EPPK1: variants seen among roughly 807,000 people sequenced by gnomAD.
EPPK1 encodes epiplakin.
For synonymous variants in EPPK1, 1,862 were observed against 1,721.2 expected, an observed-to-expected ratio of 1.08 and a Z score of -2.03; for missense variants, 3,823 against 3,673.3, an observed-to-expected ratio of 1.04 and a Z score of -1.05.
In EPPK1 at chr8:143,867,214, C is replaced by A. The variant is rs375002026; in HGVS notation, c.6040G>T (p.Gly2014Trp). The A allele has an allele frequency of 2.5e-6, 4 of 1,612,788 alleles. No individual in the cohort carries two copies. Among genetic ancestry groups the A allele is most frequent in the Non-Finnish European group, 3.4e-6 (4 of 1,179,834 alleles). The change falls in exon 2 of 2, where the codon GGG becomes TGG. Residue 2014 changes from glycine (G) to tryptophan (W), a missense_variant. Coordinates refer to ENST00000615648, the MANE Select transcript of EPPK1 (RefSeq NM_031308.4). ...LRLLEVQVAT[G>W]GVIDPQHHHR... ...TGGTGCTGTGGGTCGATGACACCCC[C>A]CGTGGCCACCTGCACCTCCAGCAGC...
In EPPK1 at chr8:143,870,494, G is replaced by T. The variant is rs558832291; in HGVS notation, c.2760C>A (p.Asp920Glu). 148 of 1,606,278 alleles carry T rather than the reference G, an allele frequency of 9.2e-5. 1 individual carries two copies. In the South Asian group the frequency reaches 1.6e-3, roughly 17 times the overall value. Residue 920 changes from aspartate to glutamate, a missense_variant, in exon 2 of 2, where the codon GAC becomes GAA. By Grantham distance (45) the Asp-to-Glu change is conservative. Coordinates refer to ENST00000615648, the MANE Select transcript of EPPK1 (RefSeq NM_031308.4). This position sits in a 1 kb window ranked among gnomAD's most constrained non-coding sequence, Gnocchi z 5.2. ...GGCCGCACAGGTACCTGCGGACGCC[G>T]TCCATGAGTAGGAGGGCCTCCGGGC... ...TISPEALLLM[D>E]GVRRYLCGLG... is the part of the protein sequence containing the mutation.
At position 143,866,625 on chromosome 8, in the gene EPPK1, A is replaced by T. The variant is rs1195879401; in HGVS notation, c.6629T>A (p.Leu2210His). 1 of 1,612,776 alleles carries T rather than the reference A, an allele frequency of 6.2e-7. No homozygotes were observed. Among genetic ancestry groups the T allele is most frequent in the African/African-American group, 1.3e-5 (1 of 74,912 alleles). The change falls in exon 2 of 2, where the codon CTC becomes CAC. Residue 2210 changes from leucine to histidine, a missense_variant. Leu to His is a moderately conservative substitution (Grantham distance 99). Transcript: ENST00000615648. The part of the protein sequence containing the change: ...LETGRSTTQE[L>H]MEDDRVKRYL... ...GCGCTTGACGCGGTCGTCCTCCATG[A>T]GCTCTTGCGTCGTGCTCCGTCCCGT...
At chr8:143,878,155 C>T (rs1174487155) in intron 1 of EPPK1, among the ~76,000 whole-genome samples, 2 of 152,024 alleles carry the variant, frequency 1.3e-5, no homozygotes, top group East Asian at 1.9e-4. Flanking sequence ...GGCTCGGGGC[C>T]GGCGCCTCCT....
rs782084767 is a variant in EPPK1 at position 143,871,556 on chromosome 8, G to A, written c.1698C>T (p.Thr566=). 49 of 1,609,466 alleles carry A rather than the reference G, an allele frequency of 3.0e-5. No homozygotes were observed. In the South Asian group the frequency reaches 3.2e-4, roughly 11 times the overall value. ...CTTTCAGCAGCTCTCCTGGTGTCAC[G>A]GTGTCCCTCAGCCCAGAAAAGGTGA... ...ARVTFSGLRD[T]VTPGELLKAE... The change falls in exon 2 of 2, where the codon ACC becomes ACT. Residue 566 remains threonine (T), a synonymous_variant. Coordinates refer to ENST00000615648, the MANE Select transcript of EPPK1 (RefSeq NM_031308.4).
rs782566076 is a variant in EPPK1, at chr8:143,872,765, G to A, written c.489C>T (p.Pro163=). 11 of 1,585,092 alleles carry A rather than the reference G, an allele frequency of 6.9e-6. No homozygotes were observed. The East Asian group carries it at 1.1e-4, about 16-fold the overall frequency. ...CAGGGGCCACGAGCACTCCCTGGGC[G>A]GGGTCCACCAGGCCCCCAGTGGCCA... ...VQLATGGLVD[P]AQGVLVAPEP... Residue 163 remains proline (P), a synonymous_variant, in exon 2 of 2, where the codon CCC becomes CCT. Transcript: ENST00000615648.
chr8:143,870,239 C>T lies in EPPK1; in HGVS notation c.3015G>A (p.Glu1005=), dbSNP rs1819295296. 3 of 1,604,170 alleles carry T rather than the reference C, an allele frequency of 1.9e-6. No homozygotes were observed. The highest frequency in any genetic ancestry group is 2.5e-6 in the Non-Finnish European group (3 of 1,176,538). Residue 1005 remains glutamate (E), a synonymous_variant, in exon 2 of 2, where the codon GAG becomes GAA. Transcript: ENST00000615648. The surrounding 1 kb of genome is among the most constrained non-coding windows in gnomAD (Gnocchi z 5.2). ...GGTCTCTGAAGCCAGCAATGGCACC[C>T]TCAGCCCGCTTCAGCCTGCCATACA... The part of the protein sequence containing the change: ...PELYGRLKRA[E]GAIAGFRDPF...
rs782713669 is a variant in EPPK1 at position 143,871,178 on chromosome 8, A to G, written c.2076T>C (p.Thr692=). The G allele has an allele frequency of 2.5e-5, 40 of 1,613,002 alleles. No individual in the cohort carries two copies. In the Admixed American group the frequency reaches 2.7e-4, roughly 11 times the overall value. Residue 692 remains threonine (T), a synonymous_variant, in exon 2 of 2, where the codon ACT becomes ACC. Transcript: ENST00000615648. ...LSAERAVTGY[T]DPYTGQQISL... Reference sequence around the variant, plus strand: ...AGATCTGCTGCCCGGTGTAGGGGTCAGTGTAGCCAGTGACAGCGCGCTCAG... The same window carrying G: ...AGATCTGCTGCCCGGTGTAGGGGTCGGTGTAGCCAGTGACAGCGCGCTCAG...
At position 143,857,501 on chromosome 8, in the gene EPPK1, GGGA is replaced by G. The variant is rs1195685765; in HGVS notation, c.*483_*485del. On this transcript the variant is annotated 3_prime_UTR_variant, in exon 2 of 2. Transcript: ENST00000615648. ...CAGCACAGCAGCCAGGGAAAGCCCG[GGGA>G]GGAGGACCGAAATAGAGCCAGGGCA... The G allele has an allele frequency of 6.4e-6, 1 of 156,172 alleles. No homozygotes were observed. Among genetic ancestry groups the G allele is most frequent in the South Asian group, 2.0e-4 (1 of 5,028 alleles). The allele number at this position is 156,172 out of a possible 1,614,324, so 9.7% of individuals were successfully genotyped here.
Position 143,866,639 on chromosome 8 carries a change from G to T in EPPK1, c.6615C>A (p.Ser2205Arg), listed in dbSNP as rs375639727. ...EMLQDLETGR[S>R]TTQELMEDDR... ...CGTCCTCCATGAGCTCTTGCGTCGT[G>T]CTCCGTCCCGTTTCCAGGTCCTGGA... is the stretch of plus-strand genomic sequence containing the variant. Residue 2205 changes from serine to arginine, a missense_variant, in exon 2 of 2, where the codon AGC (serine) becomes AGA (arginine). Transcript: ENST00000615648. 5.1e-5 allele frequency: 83 copies of T among 1,612,892 alleles called. 1 individual carries two copies. The highest frequency in any genetic ancestry group is 4.2e-5 in the Non-Finnish European group (50 of 1,179,886).
At chr8:143,875,207 C>T (rs1819456540) in intron 1 of EPPK1, among the ~76,000 whole-genome samples, 1 of 152,196 alleles carries the variant, frequency 6.6e-6, no homozygotes, top group African/African-American at 2.4e-5. Context: ...TGGGTCCTCC[C>T]CATCCCCTCT....
At chr8:143,876,754 C>T (rs538684117) in intron 1 of EPPK1, among the ~76,000 whole-genome samples, 2 of 152,346 alleles carry the variant, frequency 1.3e-5, no homozygotes, top group East Asian at 3.9e-4. Flanking sequence ...AGACGAGGGG[C>T]TTCTAGGGGG....
rs782323565 is a variant in EPPK1 at position 143,869,891 on chromosome 8, G to A, written c.3363C>T (p.Ala1121=). 2 of 1,607,856 alleles carry A rather than the reference G, an allele frequency of 1.2e-6. No homozygotes were observed. The highest frequency in any genetic ancestry group is 1.1e-5 in the South Asian group (1 of 89,924). The change falls in exon 2 of 2, where the codon GCC becomes GCT. Residue 1121 remains alanine, a synonymous_variant. Coordinates refer to ENST00000615648, the MANE Select transcript of EPPK1 (RefSeq NM_031308.4). ...HLLPLPESAP[A]LPTEEQVQRS... is the part of the protein sequence containing the mutation. ...TCTGGACCTGCTCCTCGGTGGGGAG[G>A]GCAGGAGCACTTTCTGGCAGGGGCA...
chr8:143,873,145 TG>T lies in EPPK1; in HGVS notation c.108del (p.Arg37GlyfsTer7). On this transcript the variant is annotated frameshift_variant, in exon 2 of 2. Coordinates refer to ENST00000615648, the MANE Select transcript of EPPK1 (RefSeq NM_031308.4). LOFTEE classifies it low-confidence loss of function (END_TRUNC). ...CCAGCTATGCTCCTGGCCTGGGGCC[TG>T]GGGGGCGTGCCGGCTCCCAGCGTGG... ...MAATLGAGTP[P>X]RPQARSIAGV... 7.6e-6 allele frequency: 12 copies of T among 1,587,362 alleles called. No individual in the cohort carries two copies. Among genetic ancestry groups the T allele is most frequent in the Admixed American group, 1.8e-5 (1 of 56,594 alleles).
Position 143,867,673 on chromosome 8 carries a change from T to TG in EPPK1, c.5580dup (p.Asn1861GlnfsTer55). On this transcript the variant is annotated frameshift_variant, in exon 2 of 2. Transcript: ENST00000615648. LOFTEE classifies it low-confidence loss of function (END_TRUNC). ...GTCTTCTGATCGATGACCCTGGAGT[T>TG]GAACAGGTCTGCAGCTGTCACCTCC... 2 of 1,613,498 alleles carry TG rather than the reference T, an allele frequency of 1.2e-6. No individual in the cohort carries two copies. Among genetic ancestry groups the TG allele is most frequent in the Non-Finnish European group, 1.7e-6 (2 of 1,179,840 alleles).
At position 143,866,063 on chromosome 8, in the gene EPPK1, G is replaced by A; in HGVS notation, c.7191C>T (p.Tyr2397=). ...FDPNTHENLT[Y]VQLLRRCVPD... ...GCACGCAGCGGCGCAGCAGCTGCAC[G>A]TACGTGAGGTTCTCGTGCGTGTTGG... The change falls in exon 2 of 2, where the codon TAC becomes TAT. Residue 2397 remains tyrosine, a synonymous_variant. Coordinates refer to ENST00000615648, the MANE Select transcript of EPPK1 (RefSeq NM_031308.4). 2.3e-5 allele frequency: 5 copies of A among 217,024 alleles called. No homozygotes were observed. Among genetic ancestry groups the A allele is most frequent in the East Asian group, 1.0e-4 (1 of 9,780 alleles). The allele number at this position is 217,024 out of a possible 1,614,324, so 13.4% of individuals were successfully genotyped here.
chr8:143,878,190 G>T (rs1306701400), intron 1 of EPPK1, among the ~76,000 whole-genome samples: 1 of 151,188 alleles, frequency 6.6e-6, no homozygotes, highest in Non-Finnish European at 1.5e-5. Context: ...GGGACTCAGG[G>T]GCGCCACTTC....
At position 143,866,942 on chromosome 8, in the gene EPPK1, C is replaced by A; in HGVS notation, c.6312G>T (p.Glu2104Asp). ...CCACTGTGATTTCCACTTGCTCTGC[C>A]TCCAGGGCCCTTCTCGTCTCGTCAT... is the stretch of plus-strand genomic sequence containing the variant. ...HIDDETRRAL[E>D]AEQVEITVGR... Residue 2104 changes from glutamate (E) to aspartate (D), a missense_variant, in exon 2 of 2, where the codon GAG (glutamate) becomes GAT (aspartate). Transcript: ENST00000615648. 1.9e-6 allele frequency: 3 copies of A among 1,612,950 alleles called. No individual in the cohort carries two copies. The highest frequency in any genetic ancestry group is 2.5e-6 in the Non-Finnish European group (3 of 1,179,874).
chr8:143,877,736 A>ACC (rs1322690708), intron 1 of EPPK1, among the ~76,000 whole-genome samples: 14 of 151,824 alleles, frequency 9.2e-5, no homozygotes. Flanking sequence ...TTGTGGGAAG[A>ACC]CCCCACCCAC....
At position 143,872,277 on chromosome 8, in the gene EPPK1, T is replaced by C. The variant is rs374926161; in HGVS notation, c.977A>G (p.His326Arg). 265 of 1,605,952 alleles carry C rather than the reference T, an allele frequency of 1.7e-4. No homozygotes were observed. Among genetic ancestry groups the C allele is most frequent in the Non-Finnish European group, 2.2e-4 (260 of 1,176,524 alleles). ...LPLLEAQAATHTLVDPITGQR... is the reference protein window; with the variant it reads ...LPLLEAQAATRTLVDPITGQR... Reference sequence around the variant, plus strand: ...GCCTGTGATGGGGTCCACCAGGGTGTGGGTGGCAGCCTGGGCCTCTAGGAG... The same window carrying C: ...GCCTGTGATGGGGTCCACCAGGGTGCGGGTGGCAGCCTGGGCCTCTAGGAG... The change falls in exon 2 of 2, where the codon CAC becomes CGC. Residue 326 changes from histidine (H) to arginine (R), a missense_variant. Coordinates refer to ENST00000615648, the MANE Select transcript of EPPK1 (RefSeq NM_031308.4).
Sources: gnomAD v4.1 joint callset for allele counts (sites outside exome capture counted in the v4.1 genomes callset) on GRCh38, gnomAD v4.1.1 for gene constraint, Gnocchi (gnomAD v3.1) non-coding constraint, MANE v1.5 for transcripts, NCBI Gene and HGNC (gene_info 2026-07-23, HGNC 2026-07-21) for gene names.